The following ZMYND19 variants were observed in gnomAD, a reference collection of about 807,000 sequenced individuals.
The protein encoded by ZMYND19 is zinc finger MYND-type containing 19, also known as zinc finger MYND domain-containing protein 19.
Under a neutral mutation model 32.0 loss-of-function variants are expected in ZMYND19, and 17 were observed. The ratio of observed to expected loss-of-function variants is 0.53; its 90% CI spans 0.36 to 0.80. ZMYND19 has a LOEUF of 0.80. Among genes scored for constraint, ZMYND19 ranks in the 30% least tolerant of loss-of-function variants. The pLI is 0.00. For missense variants in ZMYND19, 250 were observed against 293.6 expected (o/e 0.85, Z 1.09); for synonymous variants, 124 against 113.6 (o/e 1.09, Z -0.58).
intron 3 of ZMYND19, chr9:137,587,468 C>A: frequency 1.7e-6 from 1 of 594,952 alleles, no homozygotes; most frequent in South Asian, 2.1e-5. Context: ...GCAAGGGGAG[C>A]AACCACCGTC....
rs992367476 is a variant in ZMYND19, at chr9:137,582,381, C to T, written c.*162G>A. 10 of 940,304 alleles carry T rather than the reference C, an allele frequency of 1.1e-5. No homozygotes were observed. In the East Asian group the frequency reaches 1.9e-4, roughly 18 times the overall value. 58.2% of individuals were successfully genotyped at this position (940,304 alleles called of 1,614,324 possible). On this transcript the variant is annotated 3_prime_UTR_variant, in exon 6 of 6. Coordinates refer to ENST00000298585, the MANE Select transcript of ZMYND19 (RefSeq NM_138462.3). ...TCTGCTGGAGATGAACACTGAGGGG[C>T]GCTGTAACCACACAGACTGCCTGTG...
intron 2 of ZMYND19, 66 bp downstream of exon 2, chr9:137,588,593 G>C: frequency 6.4e-7 from 1 of 1,573,426 alleles, no homozygotes; most frequent in East Asian, 2.2e-5. Context: ...GAGAGAGCTC[G>C]TTCCTCGTGA....
At chr9:137,589,503 G>A in intron 1 of ZMYND19, 10 of 985,474 alleles carry the variant, frequency 1.0e-5, no homozygotes, top group Non-Finnish European at 1.2e-5. Context: ...ACCCTGGCTG[G>A]TGCAGCTGCA....
At position 137,587,057 on chromosome 9, in the gene ZMYND19, T is replaced by C. The variant is rs752756280; in HGVS notation, c.269A>G (p.Asn90Ser). 1 of 1,610,852 alleles carries C rather than the reference T, an allele frequency of 6.2e-7. No individual in the cohort carries two copies. The highest frequency in any genetic ancestry group is 8.5e-7 in the Non-Finnish European group (1 of 1,180,006). ...VAPGFQVVHL[N>S]AVTVDNRLDN... ...CAGGCGATTGTCCACGGTCACAGCG[T>C]TGAGGTGCACCACCTGGAAGCCCGG... Residue 90 changes from asparagine (N) to serine (S), a missense_variant, in exon 4 of 6, where the codon AAC (asparagine) becomes AGC (serine). Around this residue, in one of 2 missense-constraint regions of ZMYND19, gnomAD observed 212 missense variants for 218.8 expected, o/e 0.97. Coordinates refer to ENST00000298585, the MANE Select transcript of ZMYND19 (RefSeq NM_138462.3).
Position 137,582,507 on chromosome 9 carries a change from C to A in ZMYND19, c.*36G>T. ...TGTCTCTGCTGTGCCCAGGGTAGAG[C>A]CCGGGGGCTGTGAGTATGTGTGGCT... On this transcript the variant is annotated 3_prime_UTR_variant, in exon 6 of 6. Transcript: ENST00000298585. The A allele has an allele frequency of 6.2e-7, 1 of 1,602,714 alleles. No individual in the cohort carries two copies. Among genetic ancestry groups the A allele is most frequent in the Non-Finnish European group, 8.5e-7 (1 of 1,175,484 alleles).
intron 5 of ZMYND19, 97 bp downstream of exon 5, chr9:137,582,886 G>T: frequency 6.5e-7 from 1 of 1,546,864 alleles, no homozygotes; most frequent in East Asian, 2.2e-5. Flanking sequence ...AGCGGTCTCT[G>T]GGGAATGGGA....
rs1207817531 is a variant in ZMYND19 at position 137,582,367 on chromosome 9, T to G, written c.*176A>C. 1 of 803,248 alleles carries G rather than the reference T, an allele frequency of 1.2e-6. No homozygotes were observed. Among genetic ancestry groups the G allele is most frequent in the African/African-American group, 1.7e-5 (1 of 57,486 alleles). 49.8% of individuals were successfully genotyped at this position (803,248 alleles called of 1,614,324 possible). On this transcript the variant is annotated 3_prime_UTR_variant, in exon 6 of 6. Transcript: ENST00000298585. ...CCTCCTCCGTTGTCTCTGCTGGAGATGAACACTGAGGGGCGCTGTAACCAC... is the reference window on the plus strand; with the variant it reads ...CCTCCTCCGTTGTCTCTGCTGGAGAGGAACACTGAGGGGCGCTGTAACCAC...
At chr9:137,588,994 G>A (rs79341388) in intron 1 of ZMYND19, 2 of 456,122 alleles carry the variant, frequency 4.4e-6, no homozygotes, top group Non-Finnish European at 4.0e-6. Context: ...TCCTCGCAGG[G>A]CTAACCCCAA....
intron 1 of ZMYND19, chr9:137,589,316 G>A: frequency 1.0e-6 from 1 of 983,274 alleles, no homozygotes; most frequent in Non-Finnish European, 1.2e-6. Flanking sequence ...CTATGCTCTT[G>A]CAGCAGGGGC....
In ZMYND19 at chr9:137,586,987, T is replaced by G; in HGVS notation, c.339A>C (p.Glu113Asp). ...LVPWGWRPKA[E>D]ETSSKQREQS... is the part of the protein sequence containing the mutation. ...CCCACCTCTGCTTGCTGGAGGTCTC[T>G]TCAGCCTTGGGCCGCCAGCCCCACG... is the stretch of plus-strand genomic sequence containing the variant. Residue 113 changes from glutamate to aspartate, a missense_variant, in exon 4 of 6, where the codon GAA (glutamate) becomes GAC (aspartate). Glu to Asp is a conservative substitution (Grantham distance 45). Transcript: ENST00000298585. 5 of 1,612,458 alleles carry G rather than the reference T, an allele frequency of 3.1e-6. No homozygotes were observed. The highest frequency in any genetic ancestry group is 4.2e-6 in the Non-Finnish European group (5 of 1,180,016).
intron 2 of ZMYND19, among the ~76,000 whole-genome samples, chr9:137,588,384 T>C (rs1238595693): frequency 1.3e-5 from 2 of 152,216 alleles, no homozygotes; most frequent in Non-Finnish European, 2.9e-5. Flanking sequence ...AACATTCCAT[T>C]TGCTTTCAAG....
At chr9:137,588,528 C>G in intron 2 of ZMYND19, 131 bp downstream of exon 2, 1 of 1,012,066 alleles carries the variant, frequency 9.9e-7, no homozygotes, top group South Asian at 1.5e-5. Flanking sequence ...GCTCAGGGCT[C>G]ACAGGCCAGC....
intron 1 of ZMYND19, 190 bp from the exon 2 acceptor site, chr9:137,588,908 G>A (rs997851613): frequency 2.0e-5 from 12 of 604,260 alleles, no homozygotes; most frequent in Admixed American, 2.9e-5. Context: ...TGCAGTCTAC[G>A]ACAAAACACA....
chr9:137,589,467 G>A, intron 1 of ZMYND19: 1 of 985,480 alleles, frequency 1.0e-6, no homozygotes, highest in Non-Finnish European at 1.2e-6. Context: ...GCTGGTGACG[G>A]GAACAGGGCT....
chr9:137,583,118 G>A lies in ZMYND19; in HGVS notation c.405C>T (p.Asp135=), dbSNP rs775997970. The A allele has an allele frequency of 2.5e-6, 4 of 1,613,968 alleles. No homozygotes were observed. In the African/African-American group the frequency reaches 5.3e-5, roughly 22 times the overall value. The change falls in exon 5 of 6, where the codon GAC becomes GAT. Residue 135 remains aspartate (D), a synonymous_variant. Transcript: ENST00000298585. ...YWLAIQQLPT[D]PIEEQFPVLN... is the part of the protein sequence containing the mutation. ...GGACAGGAAACTGTTCTTCTATAGG[G>A]TCTGTAGGCAGCTGCTGAATTGCAA...
In ZMYND19 at chr9:137,590,016, C is replaced by A; in HGVS notation, c.51+197G>T. Reference sequence around the variant, plus strand: ...AGGTGCACCCCAGAGCCGAGGGGTGCGTGCCCGCCGGCCTGCGAGAGGAAG... The same window carrying A: ...AGGTGCACCCCAGAGCCGAGGGGTGAGTGCCCGCCGGCCTGCGAGAGGAAG... On this transcript the variant is annotated intron_variant, in intron 1 of 5. Transcript: ENST00000298585. The surrounding 1 kb of genome is among the most constrained non-coding windows in gnomAD (Gnocchi z 4.2). 3.0e-6 allele frequency: 3 copies of A among 985,002 alleles called. No individual in the cohort carries two copies. Among genetic ancestry groups the A allele is most frequent in the South Asian group, 9.4e-5 (2 of 21,290 alleles). The allele number at this position is 985,002 out of a possible 1,614,324, so 61.0% of individuals were successfully genotyped here.
Position 137,590,426 on chromosome 9 carries a change from C to T in ZMYND19, c.-163G>A, listed in dbSNP as rs1425149484. ...GGACGAGGCTGGGCCGGGCTCGGGC[C>T]TCCGCCGCCGCCTCGCGCCCGCCGG... On this transcript the variant is annotated 5_prime_UTR_variant, in exon 1 of 6. Coordinates refer to ENST00000298585, the MANE Select transcript of ZMYND19 (RefSeq NM_138462.3). The surrounding 1 kb of genome is among the most constrained non-coding windows in gnomAD (Gnocchi z 4.2). The T allele has an allele frequency of 2.1e-5, 6 of 287,352 alleles. No individual in the cohort carries two copies. The East Asian group carries it at 5.3e-4, about 25-fold the overall frequency. 17.8% of individuals were successfully genotyped at this position (287,352 alleles called of 1,614,324 possible).
chr9:137,589,724 G>T (rs1022532989), intron 1 of ZMYND19: 4 of 985,494 alleles, frequency 4.1e-6, no homozygotes, highest in Non-Finnish European at 4.8e-6. Context: ...CGAGCCTGAA[G>T]CCCTGCTGAG....
intron 3 of ZMYND19, chr9:137,587,437 G>C (rs554984484): frequency 0.011 from 3,881 of 345,120 alleles, 18 homozygotes; most frequent in Non-Finnish European, 0.013. Context: ...CATGCACACC[G>C]GGGGGGCTCG....
Sources: gnomAD v4.1 joint callset for allele counts (sites outside exome capture counted in the v4.1 genomes callset) on GRCh38, gnomAD v4.1.1 for gene constraint, gnomAD v4.1.1 regional missense constraint, Gnocchi (gnomAD v3.1) non-coding constraint, MANE v1.5 for transcripts, NCBI Gene and HGNC (gene_info 2026-07-23, HGNC 2026-07-21) for gene names.